LRP1B: variants seen among roughly 807,000 people sequenced by gnomAD.
LRP1B encodes low-density lipoprotein receptor-related protein 1B.
Under a neutral mutation model 556.6 loss-of-function variants are expected in LRP1B, and 217 were observed. That is an observed-to-expected ratio of 0.39 (90% CI 0.35 to 0.44). The LOEUF (loss-of-function observed/expected upper bound fraction) is 0.44. Ranked by LOEUF, LRP1B falls within the 20% of genes least tolerant of loss-of-function variation. The pLI, the probability that LRP1B is intolerant of heterozygous loss-of-function variation, is 1.00. For missense variants in LRP1B, 5,053 were observed against 5,620.8 expected (o/e 0.90, Z 3.23); for synonymous variants, 2,047 against 1,865.8 (o/e 1.10, Z -2.50).
intron 2 of LRP1B, among the ~76,000 whole-genome samples, chr2:141,661,843 AC>A (rs1690231756): frequency 1.3e-5 from 2 of 152,100 alleles, no homozygotes; most frequent in Admixed American, 1.3e-4. Flanking sequence ...CCAGTAAGAA[AC>A]TCCATGAGAA....
chr2:140,406,795 TC>T (rs528885813), intron 66 of LRP1B, among the ~76,000 whole-genome samples: 16 of 152,150 alleles, frequency 1.1e-4, no homozygotes, highest in African/African-American at 3.1e-4. Flanking sequence ...TTAATGCAAT[TC>T]CTATCAAAAT....
intron 1 of LRP1B, among the ~76,000 whole-genome samples, chr2:141,939,066 T>A (rs1700717791): frequency 6.6e-6 from 1 of 151,980 alleles, no homozygotes; most frequent in Non-Finnish European, 1.5e-5. Flanking sequence ...AGTCTAGAGA[T>A]CAATGTACAG....
intron 1 of LRP1B, among the ~76,000 whole-genome samples, chr2:142,047,177 G>A (rs1335209780): frequency 6.6e-6 from 1 of 151,950 alleles, no homozygotes; most frequent in Non-Finnish European, 1.5e-5. Flanking sequence ...GGCCATACTT[G>A]AGGGTGCCAT....
chr2:141,247,157 A>G, intron 5 of LRP1B, 69 bp downstream of exon 5: 2 of 1,567,768 alleles, frequency 1.3e-6, no homozygotes, highest in Non-Finnish European at 1.8e-6. Flanking sequence ...CCACATCTCT[A>G]ATGAAAAAGA....
intron 3 of LRP1B, among the ~76,000 whole-genome samples, chr2:141,265,304 A>G (rs1684844514): frequency 6.6e-6 from 1 of 152,110 alleles, no homozygotes. Context: ...GAAGATGCTG[A>G]AATCCCAGGA....
chr2:141,423,299 T>C (rs1680216817), intron 3 of LRP1B, among the ~76,000 whole-genome samples: 2 of 117,896 alleles, frequency 1.7e-5, no homozygotes, highest in Admixed American at 9.1e-5. Context: ...GCTTTTTTTT[T>C]TTTTTTTTTT....
chr2:141,517,254 A>G (rs933785158), intron 2 of LRP1B, among the ~76,000 whole-genome samples: 15 of 146,354 alleles, frequency 1.0e-4, no homozygotes, highest in Non-Finnish European at 1.8e-4. Context: ...TTAGAAGGAC[A>G]AGAATACGCA....
chr2:141,047,499 T>C (rs562236935), intron 11 of LRP1B, among the ~76,000 whole-genome samples: 1 of 152,278 alleles, frequency 6.6e-6, no homozygotes, highest in South Asian at 2.1e-4. Flanking sequence ...TCTATCTCTC[T>C]GCTTTTATTT....
intron 43 of LRP1B, among the ~76,000 whole-genome samples, chr2:140,586,956 T>G (rs1682009465): frequency 6.6e-6 from 1 of 152,030 alleles, no homozygotes; most frequent in Non-Finnish European, 1.5e-5. Flanking sequence ...AATAAAATTT[T>G]TTTAAAAATA....
intron 41 of LRP1B, among the ~76,000 whole-genome samples, chr2:140,615,026 C>T (rs1295394161): frequency 6.6e-6 from 1 of 152,142 alleles, no homozygotes; most frequent in East Asian, 1.9e-4. Flanking sequence ...AAACTAACTC[C>T]TTCCTTGCTT....
At chr2:140,498,713 G>T (rs1223663132) in intron 55 of LRP1B, among the ~76,000 whole-genome samples, 1 of 151,720 alleles carries the variant, frequency 6.6e-6, no homozygotes, top group Non-Finnish European at 1.5e-5. Flanking sequence ...GAAGCATCTT[G>T]TTGTACATAA....
At chr2:140,380,131 C>T (rs934681231) in intron 67 of LRP1B, among the ~76,000 whole-genome samples, 14 of 152,090 alleles carry the variant, frequency 9.2e-5, no homozygotes, top group African/African-American at 2.2e-4. Flanking sequence ...ACGTGCTATA[C>T]TTGTACCCTG....
At chr2:141,783,602 T>C (rs1258221183) in intron 2 of LRP1B, among the ~76,000 whole-genome samples, 2 of 151,996 alleles carry the variant, frequency 1.3e-5, no homozygotes, top group African/African-American at 2.4e-5. Context: ...TATCTCTTTA[T>C]GATTTTACCT....
chr2:140,671,843 C>T (rs1485328481), intron 41 of LRP1B, among the ~76,000 whole-genome samples: 1 of 152,052 alleles, frequency 6.6e-6, no homozygotes, highest in African/African-American at 2.4e-5. Flanking sequence ...TTTTGGGAGC[C>T]ATCATTTGAA....
At chr2:140,638,984 GA>G (rs1379992071) in intron 41 of LRP1B, among the ~76,000 whole-genome samples, 2 of 149,444 alleles carry the variant, frequency 1.3e-5, no homozygotes, top group African/African-American at 2.5e-5. Context: ...TCTCCAACGA[GA>G]AAAAAAAATG....
At chr2:140,846,132 G>A (rs1244575786) in intron 29 of LRP1B, among the ~76,000 whole-genome samples, 1 of 152,240 alleles carries the variant, frequency 6.6e-6, no homozygotes. Flanking sequence ...AGAAAAACAA[G>A]TGGATTCTCA....
At chr2:141,111,937 T>C (rs937443117) in intron 7 of LRP1B, among the ~76,000 whole-genome samples, 1 of 151,692 alleles carries the variant, frequency 6.6e-6, no homozygotes, top group African/African-American at 2.4e-5. Flanking sequence ...TCCCAGCTGC[T>C]GGGGGTGCTG....
chr2:141,423,899 GA>G (rs1392663507), intron 3 of LRP1B, among the ~76,000 whole-genome samples: 1 of 151,116 alleles, frequency 6.6e-6, no homozygotes, highest in Non-Finnish European at 1.5e-5. Context: ...TTTGAGGAAA[GA>G]ATATTAAATA....
intron 10 of LRP1B, among the ~76,000 whole-genome samples, chr2:141,050,539 T>A (rs59129414): frequency 0.021 from 3,196 of 152,102 alleles, 119 homozygotes; most frequent in African/African-American, 0.073. Flanking sequence ...GTTGTTCCCC[T>A]CCCTGTGTCC....
Sources: allele counts gnomAD v4.1 joint callset (sites outside exome capture counted in the v4.1 genomes callset), GRCh38; gene constraint gnomAD v4.1.1; transcripts MANE v1.5; gene names NCBI Gene and HGNC (gene_info 2026-07-23, HGNC 2026-07-21).